The following KCNN2 variants were observed in gnomAD, a reference collection of about 807,000 sequenced individuals.
KCNN2 encodes small conductance calcium-activated potassium channel protein 2.
A neutral mutation model predicts 55.5 loss-of-function variants in KCNN2; 24 were observed. That is an observed-to-expected ratio of 0.43 (90% confidence interval 0.31 to 0.61). The LOEUF (loss-of-function observed/expected upper bound fraction) is 0.61. Ranked by LOEUF, KCNN2 falls within the 20% of genes least tolerant of loss-of-function variation. KCNN2 has a pLI of 0.08. For synonymous variants in KCNN2, 431 were observed against 336.1 expected (o/e 1.28, Z -3.09); for missense variants, 754 against 853.6 (o/e 0.88, Z 1.45).
chr5:114,403,916 A>G (rs1758862149), intron 2 of KCNN2, among the ~76,000 whole-genome samples: 1 of 152,234 alleles, frequency 6.6e-6, no homozygotes, highest in South Asian at 2.1e-4. Flanking sequence ...TGTTTCTGCC[A>G]CATTTGTCTG....
intron 3 of KCNN2, among the ~76,000 whole-genome samples, chr5:114,459,129 A>G (rs1266763338): frequency 6.6e-6 from 1 of 152,226 alleles, no homozygotes; most frequent in East Asian, 1.9e-4. Context: ...TAGGAATAGA[A>G]ACTAAGAAAA....
intron 3 of KCNN2, among the ~76,000 whole-genome samples, chr5:114,439,078 C>T (rs1011116078): frequency 6.6e-6 from 1 of 152,126 alleles, no homozygotes; most frequent in African/African-American, 2.4e-5. Flanking sequence ...ATTTCATATT[C>T]AGTAAAATGA....
chr5:114,335,390 G>T (rs921707069), intron 2 of KCNN2, among the ~76,000 whole-genome samples: 2 of 152,058 alleles, frequency 1.3e-5, no homozygotes, highest in African/African-American at 2.4e-5. Flanking sequence ...CTTAAAGGAC[G>T]TAAAATAATA....
At chr5:114,279,024 T>A (rs1418512870) in intron 2 of KCNN2, among the ~76,000 whole-genome samples, 1 of 152,072 alleles carries the variant, frequency 6.6e-6, no homozygotes, top group Non-Finnish European at 1.5e-5. Flanking sequence ...AGTTCTCATT[T>A]TTTTTTGTTT....
chr5:114,404,814 C>A lies in KCNN2; in HGVS notation c.1595C>A (p.Ser532Ter). The A allele has an allele frequency of 6.2e-7, 1 of 1,613,726 alleles. No homozygotes were observed. The highest frequency in any genetic ancestry group is 1.1e-5 in the South Asian group (1 of 91,054). Residue 532 changes from serine to a stop codon, truncating the protein, a stop_gained, in exon 3 of 8, where the codon TCA (serine) becomes TAA (stop). Coordinates refer to ENST00000673685, the MANE Select transcript of KCNN2 (RefSeq NM_021614.4). LOFTEE classifies it high-confidence loss of function. ...PGTVLLVFSI[S>*]LWIIAAWTVR... is the part of the protein sequence containing the mutation. ...ACTGTACTCTTGGTTTTTAGTATCT[C>A]ATTATGGATAATTGCCGCATGGACT...
chr5:114,142,941 C>T (rs1049994151), intron 1 of KCNN2, among the ~76,000 whole-genome samples: 1 of 152,166 alleles, frequency 6.6e-6, no homozygotes, highest in Non-Finnish European at 1.5e-5. Flanking sequence ...AAGCTGGAGG[C>T]ATCACGCTAC....
At chr5:114,073,275 G>A (rs1023666338) in intron 1 of KCNN2, among the ~76,000 whole-genome samples, 1 of 152,200 alleles carries the variant, frequency 6.6e-6, no homozygotes, top group African/African-American at 2.4e-5. Context: ...CCTGTGGGAT[G>A]TCTTTAAATA....
At chr5:114,366,436 G>A (rs945598272) in intron 2 of KCNN2, among the ~76,000 whole-genome samples, 2 of 152,072 alleles carry the variant, frequency 1.3e-5, no homozygotes, top group Non-Finnish European at 2.9e-5. Flanking sequence ...TTTTTACTCG[G>A]TGTATTATCT....
intron 4 of KCNN2, among the ~76,000 whole-genome samples, chr5:114,466,338 T>C (rs1407557153): frequency 1.3e-5 from 2 of 152,136 alleles, no homozygotes; most frequent in Non-Finnish European, 2.9e-5. Context: ...TGGTTGAAGA[T>C]GGTAGGCAAG....
At chr5:114,359,441 G>C (rs986295281), upstream of KCNN2, among the ~76,000 whole-genome samples, 1 of 152,176 alleles carries the variant, frequency 6.6e-6, no homozygotes, top group Admixed American at 6.5e-5. Flanking sequence ...ACAGCATAGA[G>C]ATATACATGG....
At chr5:114,161,768 AT>A (rs1580574714) in intron 1 of KCNN2, among the ~76,000 whole-genome samples, 2 of 152,206 alleles carry the variant, frequency 1.3e-5, no homozygotes, top group Admixed American at 1.3e-4. Flanking sequence ...TCCATCGCCT[AT>A]ACCCTTTCTT....
At chr5:114,062,526 G>A (rs1010984176) in intron 1 of KCNN2, among the ~76,000 whole-genome samples, 3 of 152,180 alleles carry the variant, frequency 2.0e-5, no homozygotes, top group Non-Finnish European at 4.4e-5. Context: ...AGTGAGTTTT[G>A]AAGAGGGCCT....
intron 2 of KCNN2, among the ~76,000 whole-genome samples, chr5:114,366,192 T>C (rs975865047): frequency 6.6e-6 from 1 of 152,216 alleles, no homozygotes; most frequent in African/African-American, 2.4e-5. Context: ...TGCACATATA[T>C]TTTGATTAGG....
intron 2 of KCNN2, among the ~76,000 whole-genome samples, chr5:114,259,979 A>G (rs922417899): frequency 6.6e-6 from 1 of 152,210 alleles, no homozygotes; most frequent in African/African-American, 2.4e-5. Flanking sequence ...TTTTAGAAGA[A>G]ACAGAATACC....
At chr5:114,125,726 T>C (rs776329987) in intron 1 of KCNN2, among the ~76,000 whole-genome samples, 2 of 152,136 alleles carry the variant, frequency 1.3e-5, no homozygotes, top group Non-Finnish European at 2.9e-5. Context: ...GATCAATGAT[T>C]GGTTTATTCT....
Position 114,272,387 on chromosome 5 carries a change from A to G in KCNN2, c.-185+50822A>G, listed in dbSNP as rs1343638039. ...TACACACACATATGTATGTACATAT[A>G]TACACACATATATGTATGTACATAT... is the stretch of plus-strand genomic sequence containing the variant. On this transcript the variant is annotated intron_variant, in intron 2 of 10. Coordinates refer to the KCNN2 transcript ENST00000512097. 5.7e-5 allele frequency among the ~76,000 whole-genome samples: 4 copies of G among 69,574 alleles called. No individual in the cohort carries two copies. The Admixed American group carries it at 6.1e-4, about 11-fold the overall frequency. The allele number at this position is 69,574 out of a possible 152,430, so 45.6% of individuals were successfully genotyped here.
chr5:114,229,527 T>G (rs1361381567), intron 2 of KCNN2, among the ~76,000 whole-genome samples: 2 of 152,038 alleles, frequency 1.3e-5, no homozygotes. Flanking sequence ...TAAAAAATTC[T>G]GTTTGTGATT....
At chr5:114,334,463 A>G (rs1756886603) in intron 2 of KCNN2, among the ~76,000 whole-genome samples, 1 of 152,084 alleles carries the variant, frequency 6.6e-6, no homozygotes, top group African/African-American at 2.4e-5. Flanking sequence ...TGAAAAGTGT[A>G]TATATAGATA....
At chr5:114,061,150 T>C (rs1422148634) in intron 1 of KCNN2, among the ~76,000 whole-genome samples, 1 of 152,226 alleles carries the variant, frequency 6.6e-6, no homozygotes, top group Non-Finnish European at 1.5e-5. Context: ...GGGGATGCAG[T>C]GATGACTAAG....
Sources: allele counts gnomAD v4.1 joint callset (sites outside exome capture counted in the v4.1 genomes callset), GRCh38; gene constraint gnomAD v4.1.1; transcripts MANE v1.5; gene names NCBI Gene and HGNC (gene_info 2026-07-23, HGNC 2026-07-21).